NOS1: variants seen among roughly 807,000 people sequenced by gnomAD.
NOS1 encodes the protein NOS type I.
NOS1 carries 51 observed loss-of-function variants against 164.5 expected under a neutral mutation model. That is an observed-to-expected ratio of 0.31 (90% CI 0.25 to 0.39). The LOEUF (loss-of-function observed/expected upper bound fraction) is 0.39. Ranked by LOEUF, NOS1 falls within the 10% of genes least tolerant of loss-of-function variation. The pLI is 1.00. For missense variants in NOS1, 1,362 were observed against 1,885.6 expected (o/e 0.72, Z 5.14); for synonymous variants, 719 against 745.8 (o/e 0.96, Z 0.59).
intron 22 of NOS1, among the ~76,000 whole-genome samples, chr12:117,229,950 T>C (rs1869067606): frequency 6.6e-6 from 1 of 151,670 alleles, no homozygotes; most frequent in South Asian, 2.1e-4. Flanking sequence ...GATGGGGTCT[T>C]GCTCTTTCAT....
At position 117,208,894 on chromosome 12, in the gene NOS1, TG is replaced by T. The variant is rs1956485714; in HGVS notation, c.*6414del. On this transcript the variant is annotated 3_prime_UTR_variant, in exon 29 of 29. Transcript: ENST00000317775. ...CCCGCCACCACGCCGGGCTGATTTTTGTATTTTTAGTAGAGACGAGGTTTTG... is the reference window on the plus strand; with the variant it reads ...CCCGCCACCACGCCGGGCTGATTTTTTATTTTTAGTAGAGACGAGGTTTTG... The T allele has an allele frequency of 1.6e-6, 1 of 634,418 alleles. No individual in the cohort carries two copies. The highest frequency in any genetic ancestry group is 2.0e-5 in the African/African-American group (1 of 50,672). The allele number at this position is 634,418 out of a possible 1,614,324, so 39.3% of individuals were successfully genotyped here.
chr12:117,265,717 T>C (rs1345197228), intron 11 of NOS1, among the ~76,000 whole-genome samples: 1 of 152,186 alleles, frequency 6.6e-6, no homozygotes, highest in Non-Finnish European at 1.5e-5. Flanking sequence ...CTATTGTGTC[T>C]TTAACACCTT....
intron 2 of NOS1, among the ~76,000 whole-genome samples, chr12:117,320,420 C>A (rs1366815757): frequency 6.6e-6 from 1 of 152,064 alleles, no homozygotes; most frequent in African/African-American, 2.4e-5. Flanking sequence ...CTAAAGGATG[C>A]AAGGAATGCA....
At chr12:117,347,309 A>AC (rs371810596) in intron 1 of NOS1, among the ~76,000 whole-genome samples, 188 of 151,936 alleles carry the variant, frequency 1.2e-3, no homozygotes, top group African/African-American at 4.4e-3. Flanking sequence ...AAAAAAAAAA[A>AC]AGAAAAATAA....
intron 2 of NOS1, among the ~76,000 whole-genome samples, chr12:117,317,749 T>C (rs1879419): frequency 0.84 from 128,297 of 152,012 alleles, 54,339 homozygotes; most frequent in African/African-American, 0.9. Flanking sequence ...TGTCCTTCTC[T>C]CTCTGGAAAA....
chr12:117,210,152 T>C lies in NOS1; in HGVS notation c.*5157A>G, dbSNP rs1346065435. 1 of 537,496 alleles carries C rather than the reference T, an allele frequency of 1.9e-6. No individual in the cohort carries two copies. Among genetic ancestry groups the C allele is most frequent in the Admixed American group, 6.4e-5 (1 of 15,576 alleles). 33.3% of individuals were successfully genotyped at this position (537,496 alleles called of 1,614,324 possible). ...CATGCCCAGCTAATTTTTTTTTTTTTTTTTTTTTAGTAGAGACGAGATTGC... is the reference window on the plus strand; with the variant it reads ...CATGCCCAGCTAATTTTTTTTTTTTCTTTTTTTTAGTAGAGACGAGATTGC... On this transcript the variant is annotated 3_prime_UTR_variant, in exon 29 of 29. Transcript: ENST00000317775.
At chr12:117,340,074 A>G (rs894384494) in intron 1 of NOS1, among the ~76,000 whole-genome samples, 7 of 152,190 alleles carry the variant, frequency 4.6e-5, no homozygotes, top group African/African-American at 1.7e-4. Flanking sequence ...GTGTAATAAC[A>G]GCTAACTGCA....
rs1212298533 is a variant in NOS1 at position 117,331,194 on chromosome 12, C to G, written c.-125G>C. 7.9e-7 allele frequency: 1 copy of G among 1,258,892 alleles called. No individual in the cohort carries two copies. Among genetic ancestry groups the G allele is most frequent in the Non-Finnish European group, 1.1e-6 (1 of 912,418 alleles). 78.0% of individuals were successfully genotyped at this position (1,258,892 alleles called of 1,614,324 possible). On this transcript the variant is annotated 5_prime_UTR_variant, in exon 2 of 29. Coordinates refer to ENST00000317775, the MANE Select transcript of NOS1 (RefSeq NM_000620.5). ...CAGGAGCCGGGGTGACAGGTGCTGA[C>G]AAGGCTTCAGCCCTCTCTGTCTTTG...
rs934703573 is a variant in NOS1, at chr12:117,346,342, G to A, written c.-420-14853C>T. 1.2e-4 allele frequency among the ~76,000 whole-genome samples: 19 copies of A among 152,196 alleles called. 1 individual carries two copies. Among genetic ancestry groups the A allele is most frequent in the Middle Eastern group, 3.4e-3 (1 of 294 alleles). On this transcript the variant is annotated intron_variant, in intron 1 of 28. Coordinates refer to ENST00000317775, the MANE Select transcript of NOS1 (RefSeq NM_000620.5). ...AAAAATTAGCCAGGCGTGGTGGCAC[G>A]TGCATGTAATCCCAGTTACTCAGGA...
At chr12:117,304,562 C>T (rs552214504) in intron 3 of NOS1, among the ~76,000 whole-genome samples, 17 of 152,308 alleles carry the variant, frequency 1.1e-4, no homozygotes, top group East Asian at 3.9e-4. Flanking sequence ...ACTACGCACA[C>T]GGCAGGTTAT....
At chr12:117,334,455 G>C (rs572700650) in intron 1 of NOS1, among the ~76,000 whole-genome samples, 48 of 152,036 alleles carry the variant, frequency 3.2e-4, no homozygotes, top group Non-Finnish European at 5.4e-4. Flanking sequence ...GGAATGCAGT[G>C]GTGCGATCTC....
intron 3 of NOS1, among the ~76,000 whole-genome samples, chr12:117,308,281 G>A (rs1874251527): frequency 6.6e-6 from 1 of 151,918 alleles, no homozygotes; most frequent in South Asian, 2.1e-4. Flanking sequence ...GCTGAGAAGG[G>A]AGGATTGCTT....
chr12:117,347,448 C>T (rs547921210), intron 1 of NOS1, among the ~76,000 whole-genome samples: 3 of 152,220 alleles, frequency 2.0e-5, no homozygotes, highest in South Asian at 2.1e-4. Context: ...TAGGTGGTGG[C>T]GCCTCCCCCT....
At chr12:117,296,187 C>A (rs1352484682) in intron 3 of NOS1, among the ~76,000 whole-genome samples, 6 of 152,226 alleles carry the variant, frequency 3.9e-5, no homozygotes, top group Non-Finnish European at 8.8e-5. Flanking sequence ...GTGCCCAGCA[C>A]ACAGTATATG....
rs984906263 is a variant in NOS1, at chr12:117,344,296, G to A, written c.-420-12807C>T. On this transcript the variant is annotated intron_variant, in intron 1 of 28. Transcript: ENST00000317775. ...CTAGTAAGCATGAAATAAGTATTTGGTGAATAAGCGCTCAACTATTCACAC... is the reference window on the plus strand; with the variant it reads ...CTAGTAAGCATGAAATAAGTATTTGATGAATAAGCGCTCAACTATTCACAC... Among the ~76,000 whole-genome samples the A allele has an allele frequency of 3.9e-5, 6 of 152,282 alleles. No individual in the cohort carries two copies. In the South Asian group the frequency reaches 1.0e-3, roughly 26 times the overall value.
rs199909431 is a variant in NOS1, at chr12:117,222,696, G to A, written c.3975+19C>T. ...CATGTGTGTTGGGCTGGGCTAGGGG[G>A]TGGGCTGCTGGGGGTTACCTTTGGT... On this transcript the variant is annotated intron_variant, in intron 26 of 28. Coordinates refer to ENST00000317775, the MANE Select transcript of NOS1 (RefSeq NM_000620.5). 4 of 1,612,686 alleles carry A rather than the reference G, an allele frequency of 2.5e-6. No individual in the cohort carries two copies. In the South Asian group the frequency reaches 4.4e-5, roughly 18 times the overall value.
At chr12:117,293,395 C>T (rs899836381) in intron 3 of NOS1, among the ~76,000 whole-genome samples, 1 of 152,192 alleles carries the variant, frequency 6.6e-6, no homozygotes, top group African/African-American at 2.4e-5. Flanking sequence ...CTATCTCCCA[C>T]ACCCAACTCA....
intron 20 of NOS1, among the ~76,000 whole-genome samples, chr12:117,240,288 T>C (rs1344740341): frequency 1.3e-5 from 2 of 152,190 alleles, no homozygotes; most frequent in African/African-American, 4.8e-5. Context: ...ATTTCTTTAA[T>C]GTTTGAGAAT....
rs907212732 is a variant in NOS1 at position 117,268,027 on chromosome 12, C to T, written c.1941+16G>A. ...CATTTGAAGCTTGACCCTGGTGGTG[C>T]GGGCCCTGGTGTTACCTGGAAGCTA... On this transcript the variant is annotated intron_variant, in intron 11 of 28. Coordinates refer to ENST00000317775, the MANE Select transcript of NOS1 (RefSeq NM_000620.5). The T allele has an allele frequency of 1.1e-5, 18 of 1,568,980 alleles. No individual in the cohort carries two copies. Among genetic ancestry groups the T allele is most frequent in the East Asian group, 2.2e-5 (1 of 44,666 alleles).
Sources: allele counts gnomAD v4.1 joint callset (sites outside exome capture counted in the v4.1 genomes callset), GRCh38; gene constraint gnomAD v4.1.1; transcripts MANE v1.5; gene names NCBI Gene and HGNC (gene_info 2026-07-23, HGNC 2026-07-21).